ZNF512: variants seen among roughly 807,000 people sequenced by gnomAD.
The protein encoded by ZNF512 is zinc finger protein 512.
A neutral mutation model predicts 77.5 loss-of-function variants in ZNF512; 25 were observed. That is an observed-to-expected ratio of 0.32 (90% CI 0.23 to 0.45). The LOEUF (loss-of-function observed/expected upper bound fraction) is 0.45, where lower values mean the gene tolerates loss of function less well. Ranked by LOEUF, ZNF512 falls within the 20% of genes least tolerant of loss-of-function variation. The pLI is 1.00. For synonymous variants in ZNF512, 246 were observed against 239.9 expected, an observed-to-expected ratio of 1.03 and a Z score of -0.24; for missense variants, 483 against 692.6, an observed-to-expected ratio of 0.70 and a Z score of 3.40.
intron 10 of ZNF512, among the ~76,000 whole-genome samples, chr2:27,610,916 T>C (rs1394992686): frequency 2.0e-5 from 3 of 152,070 alleles, no homozygotes; most frequent in Admixed American, 6.6e-5. Context: ...CATTATTCTT[T>C]CTTAAATATA....
At chr2:27,589,076 C>T (rs1572904046) in intron 2 of ZNF512, among the ~76,000 whole-genome samples, 1 of 152,134 alleles carries the variant, frequency 6.6e-6, no homozygotes, top group African/African-American at 2.4e-5. Flanking sequence ...TATCCTGACA[C>T]TTTATAAATT....
chr2:27,589,414 T>G (rs1336224833), intron 2 of ZNF512, among the ~76,000 whole-genome samples: 1 of 152,206 alleles, frequency 6.6e-6, no homozygotes, highest in Non-Finnish European at 1.5e-5. Context: ...ATATTATTAC[T>G]TAATGTCTAC....
chr2:27,598,910 G>A (rs977245471), intron 3 of ZNF512, among the ~76,000 whole-genome samples: 1 of 151,588 alleles, frequency 6.6e-6, no homozygotes, highest in Non-Finnish European at 1.5e-5. Context: ...CAGGCTCACC[G>A]CACCCTCCTT....
intron 10 of ZNF512, among the ~76,000 whole-genome samples, chr2:27,610,470 GTATA>G (rs1318847791): frequency 6.6e-5 from 9 of 136,492 alleles, no homozygotes; most frequent in African/African-American, 2.2e-4. Context: ...TTATATATGT[GTATA>G]TGTGTATATA....
intron 9 of ZNF512, among the ~76,000 whole-genome samples, chr2:27,606,433 G>C (rs1672365208): frequency 6.6e-6 from 1 of 151,770 alleles, no homozygotes; most frequent in African/African-American, 2.4e-5. Context: ...TGCGATCTTG[G>C]CTCACTGCAA....
intron 7 of ZNF512, 23 bp downstream of exon 7, chr2:27,601,465 G>A: frequency 1.9e-6 from 3 of 1,587,444 alleles, no homozygotes; most frequent in Non-Finnish European, 2.6e-6. Flanking sequence ...TCTGTCTTTT[G>A]TGAGTGTTTG....
chr2:27,619,200 A>G (rs1673019799), intron 13 of ZNF512, among the ~76,000 whole-genome samples: 1 of 152,248 alleles, frequency 6.6e-6, no homozygotes, highest in Admixed American at 6.5e-5. Context: ...ACCTGAGGTC[A>G]GGAGTTCAAG....
chr2:27,589,472 G>T (rs887359803), intron 2 of ZNF512, among the ~76,000 whole-genome samples: 3 of 152,080 alleles, frequency 2.0e-5, no homozygotes, highest in African/African-American at 7.2e-5. Flanking sequence ...GCTATTTGTA[G>T]TGTCTTTTTT....
At chr2:27,610,582 T>TATACACACA (rs1558474959) in intron 10 of ZNF512, among the ~76,000 whole-genome samples, 1 of 52,882 alleles carries the variant, frequency 1.9e-5, no homozygotes, top group Non-Finnish European at 3.5e-5. Context: ...TTTTTTTTTT[T>TATACACACA]TTTTTTTTTT....
chr2:27,604,593 CTACA>C (rs968540348), intron 9 of ZNF512, among the ~76,000 whole-genome samples: 5 of 151,968 alleles, frequency 3.3e-5, no homozygotes, highest in African/African-American at 9.7e-5. Flanking sequence ...CTAGGTTGGG[CTACA>C]TAGTGAGACC....
intron 13 of ZNF512, among the ~76,000 whole-genome samples, chr2:27,618,581 A>G (rs551029597): frequency 6.6e-6 from 1 of 152,344 alleles, no homozygotes; most frequent in African/African-American, 2.4e-5. Context: ...TAATTTGCAC[A>G]TAGTTCAGCA....
chr2:27,601,794 A>G (rs959842435), intron 7 of ZNF512, among the ~76,000 whole-genome samples: 1 of 152,116 alleles, frequency 6.6e-6, no homozygotes, highest in Non-Finnish European at 1.5e-5. Flanking sequence ...GATTACAGGC[A>G]TGCACCACCA....
In ZNF512 at chr2:27,621,553, C is replaced by A; in HGVS notation, c.*92C>A. 1 of 1,347,810 alleles carries A rather than the reference C, an allele frequency of 7.4e-7. No individual in the cohort carries two copies. The highest frequency in any genetic ancestry group is 9.9e-7 in the Non-Finnish European group (1 of 1,011,326). 83.5% of individuals were successfully genotyped at this position (1,347,810 alleles called of 1,614,324 possible). ...GAGGACTGAGTGAAGATTCTTTCAG[C>A]TGTTTGTGTAAGGCTGTGACTTTCT... On this transcript the variant is annotated 3_prime_UTR_variant, in exon 14 of 14. Coordinates refer to ENST00000355467, the MANE Select transcript of ZNF512 (RefSeq NM_032434.4).
Position 27,591,698 on chromosome 2 carries a change from C to T in ZNF512, c.90-6369C>T, listed in dbSNP as rs115307326. On this transcript the variant is annotated intron_variant, in intron 2 of 13. Coordinates refer to ENST00000355467, the MANE Select transcript of ZNF512 (RefSeq NM_032434.4). ...TGTCGGGATTACAGGCGCGAGTCAC[C>T]GCGCCCAGCCTTAAAATTATTTTTT... Among the ~76,000 whole-genome samples the T allele has an allele frequency of 8.1e-3, 1,233 of 152,282 alleles. 31 individuals carry two copies. Among genetic ancestry groups the T allele is most frequent in the African/African-American group, 0.028 (1,171 of 41,564 alleles).
In ZNF512 at chr2:27,610,377, A is replaced by T. The variant is rs1423011401; in HGVS notation, c.1131+2338A>T. Reference sequence around the variant, plus strand: ...AGACTCCGTATCAAAAAAAAAAAAAATAAATAAATAAATATTTGTTAACTC... The same window carrying T: ...AGACTCCGTATCAAAAAAAAAAAAATTAAATAAATAAATATTTGTTAACTC... On this transcript the variant is annotated intron_variant, in intron 10 of 13. Coordinates refer to ENST00000355467, the MANE Select transcript of ZNF512 (RefSeq NM_032434.4). Among the ~76,000 whole-genome samples, 11 of 137,380 alleles carry T rather than the reference A, an allele frequency of 8.0e-5. 1 individual carries two copies. The highest frequency in any genetic ancestry group is 6.0e-4 in the East Asian group (3 of 5,004). 90.1% of individuals were successfully genotyped at this position (137,380 alleles called of 152,430 possible). A position where few individuals can be genotyped will look rare whatever the true frequency, so the allele number is the denominator to read the frequency against.
Position 27,583,302 on chromosome 2 carries a change from GT to G in ZNF512, c.30+162del, listed in dbSNP as rs1215888950. ...CACCTGTCCCTTTTTCTTTACCCAC[GT>G]TCTGCTGCCTGTTCCCCACCTCCTT... On this transcript the variant is annotated intron_variant, in intron 1 of 13. Transcript: ENST00000355467. 3.5e-5 allele frequency: 45 copies of G among 1,302,774 alleles called. No individual in the cohort carries two copies. In the Admixed American group the frequency reaches 8.8e-4, roughly 26 times the overall value. The allele number at this position is 1,302,774 out of a possible 1,614,324, so 80.7% of individuals were successfully genotyped here.
In ZNF512 at chr2:27,586,528, C is replaced by G. The variant is rs1045527165; in HGVS notation, c.89+2812C>G. On this transcript the variant is annotated intron_variant, in intron 2 of 13. Coordinates refer to ENST00000355467, the MANE Select transcript of ZNF512 (RefSeq NM_032434.4). ...TACAGGCATGAGCCACTGCGCCTGT[C>G]CCATCAAGTGTTTCTAGCATTGTTT... is the stretch of plus-strand genomic sequence containing the variant. 2.0e-4 allele frequency among the ~76,000 whole-genome samples: 31 copies of G among 152,276 alleles called. 2 individuals are homozygous for G. The Middle Eastern group carries it at 0.014, about 67-fold the overall frequency.
chr2:27,596,112 T>G (rs7602219), intron 2 of ZNF512, among the ~76,000 whole-genome samples: 12,892 of 152,244 alleles, frequency 0.085, 1,862 homozygotes, highest in African/African-American at 0.29. Flanking sequence ...TGGAGGCATT[T>G]GTTAAAATCT....
Position 27,621,652 on chromosome 2 carries a change from G to C in ZNF512, c.*191G>C. 1 of 603,710 alleles carries C rather than the reference G, an allele frequency of 1.7e-6. No homozygotes were observed. The highest frequency in any genetic ancestry group is 2.2e-5 in the South Asian group (1 of 44,530). The allele number at this position is 603,710 out of a possible 1,614,324, so 37.4% of individuals were successfully genotyped here. On this transcript the variant is annotated 3_prime_UTR_variant, in exon 14 of 14. Transcript: ENST00000355467. ...TGATTCCCCCCTCCCCTTTTAGTAG[G>C]TTTTCCTGCTATTCCTCGTCAAGTC...
Sources: gnomAD v4.1 joint callset for allele counts (sites outside exome capture counted in the v4.1 genomes callset) on GRCh38, gnomAD v4.1.1 for gene constraint, MANE v1.5 for transcripts, NCBI Gene and HGNC (gene_info 2026-07-23, HGNC 2026-07-21) for gene names.